Variants in TEX10 observed in about 807,000 individuals in gnomAD.
The protein encoded by TEX10 is testis expressed 10.
A neutral mutation model predicts 104.4 loss-of-function variants in TEX10; 24 were observed. That is an observed-to-expected ratio of 0.23 (90% confidence interval 0.17 to 0.32). The LOEUF (loss-of-function observed/expected upper bound fraction) is 0.32. Ranked by LOEUF, TEX10 falls within the 10% of genes least tolerant of loss-of-function variation. TEX10 has a pLI of 1.00. For synonymous variants in TEX10, 396 were observed against 393.4 expected (o/e 1.01, Z -0.08); for missense variants, 921 against 1,083.9 (o/e 0.85, Z 2.11).
chr9:100,337,571 C>G (rs4742784), intron 5 of TEX10, among the ~76,000 whole-genome samples: 69,044 of 151,976 alleles, frequency 0.45, 17,369 homozygotes, highest in East Asian at 0.89. Context: ...CTCTTTGATT[C>G]TGTCCCCTCA....
intron 5 of TEX10, 66 bp from the exon 6 acceptor site, chr9:100,330,235 T>A (rs1177267000): frequency 8.5e-7 from 1 of 1,171,096 alleles, no homozygotes; most frequent in Non-Finnish European, 1.2e-6. Context: ...TTAGAATACT[T>A]AAAATAATCT....
intron 8 of TEX10, 62 bp from the exon 9 acceptor site, chr9:100,326,541 A>AAAGCAGAT (rs1281068520): frequency 1.3e-6 from 2 of 1,489,354 alleles, no homozygotes; most frequent in African/African-American, 2.8e-5. Context: ...AGAGATTAAT[A>AAAGCAGAT]AAGCAGATCA....
At position 100,340,498 on chromosome 9, in the gene TEX10, A is replaced by C. The variant is rs1835146551; in HGVS notation, c.1138-129T>G. 3 of 517,112 alleles carry C rather than the reference A, an allele frequency of 5.8e-6. No individual in the cohort carries two copies. In the Admixed American group the frequency reaches 1.2e-4, roughly 21 times the overall value. 32.0% of individuals were successfully genotyped at this position (517,112 alleles called of 1,614,324 possible). ...ATTCACTTTCTACCAGTAATATAAT[A>C]TGTAAATAAATTTAAAAATCAGAAT... On this transcript the variant is annotated intron_variant, in intron 4 of 14. Coordinates refer to ENST00000374902, the MANE Select transcript of TEX10 (RefSeq NM_017746.4).
At chr9:100,334,500 A>T (rs1433598866) in intron 5 of TEX10, among the ~76,000 whole-genome samples, 1 of 152,196 alleles carries the variant, frequency 6.6e-6, no homozygotes, top group Non-Finnish European at 1.5e-5. Context: ...GGGAGGACTG[A>T]GATACATGAA....
intron 13 of TEX10, 64 bp from the exon 14 acceptor site, chr9:100,303,906 T>A: frequency 6.7e-7 from 1 of 1,486,778 alleles, no homozygotes; most frequent in Non-Finnish European, 9.3e-7. Flanking sequence ...CCCCCTTCTA[T>A]ATTCCCCCAA....
intron 11 of TEX10, among the ~76,000 whole-genome samples, chr9:100,319,126 A>G (rs1488617168): frequency 6.6e-6 from 1 of 152,058 alleles, no homozygotes; most frequent in Non-Finnish European, 1.5e-5. Flanking sequence ...CGGGAGACGG[A>G]GGTTGCAGTG....
chr9:100,351,506 T>G (rs1835448434), intron 1 of TEX10, among the ~76,000 whole-genome samples: 1 of 152,162 alleles, frequency 6.6e-6, no homozygotes, highest in African/African-American at 2.4e-5. Flanking sequence ...CAAGCACACT[T>G]TGTGAGCTTT....
At chr9:100,345,907 A>G (rs1835289165) in intron 4 of TEX10, among the ~76,000 whole-genome samples, 165 bp downstream of exon 4, 1 of 152,172 alleles carries the variant, frequency 6.6e-6, no homozygotes, top group African/African-American at 2.4e-5. Flanking sequence ...TAACTTCAGA[A>G]AACTAATTTG....
intron 7 of TEX10, among the ~76,000 whole-genome samples, chr9:100,328,441 G>A (rs889811934): frequency 1.3e-5 from 2 of 152,124 alleles, no homozygotes; most frequent in Non-Finnish European, 2.9e-5. Context: ...CTGAACTTAA[G>A]TCTCAGCTCT....
chr9:100,314,129 C>G (rs1834353079), intron 11 of TEX10, among the ~76,000 whole-genome samples: 1 of 150,828 alleles, frequency 6.6e-6, no homozygotes, highest in Admixed American at 6.6e-5. Context: ...GCTCTGTCAC[C>G]CACGCTGGAG....
At chr9:100,310,524 C>A (rs1378628323) in intron 11 of TEX10, 145 bp from the exon 12 acceptor site, 3 of 690,700 alleles carry the variant, frequency 4.3e-6, no homozygotes, top group South Asian at 3.8e-5. Flanking sequence ...CCGCAACCCC[C>A]GTGACCTGGC....
At chr9:100,331,537 G>C (rs556830752) in intron 5 of TEX10, among the ~76,000 whole-genome samples, 1 of 152,320 alleles carries the variant, frequency 6.6e-6, no homozygotes, top group Non-Finnish European at 1.5e-5. Context: ...TCTTGAGCAA[G>C]GGCACAGTAG....
chr9:100,308,412 C>G, intron 13 of TEX10, 88 bp downstream of exon 13: 6 of 1,187,564 alleles, frequency 5.1e-6, no homozygotes, highest in Non-Finnish European at 6.9e-6. Context: ...TCTGTATAAC[C>G]TAATTATCTT....
In TEX10 at chr9:100,340,249, CAT is replaced by C; in HGVS notation, c.1250+6_1250+7del. 5 of 1,507,846 alleles carry C rather than the reference CAT, an allele frequency of 3.3e-6. No homozygotes were observed. Among genetic ancestry groups the C allele is most frequent in the Non-Finnish European group, 4.5e-6 (5 of 1,119,916 alleles). The allele number at this position is 1,507,846 out of a possible 1,614,324, so 93.4% of individuals were successfully genotyped here. On this transcript the variant is annotated splice_donor_region_variant and intron_variant, in intron 5 of 14. Coordinates refer to ENST00000374902, the MANE Select transcript of TEX10 (RefSeq NM_017746.4). ...TCAAGGTTATACAGTGAAAAAGAAT[CAT>C]AATACCTTTTATTTGGCTCTTTCCT...
Position 100,303,715 on chromosome 9 carries a change from G to A in TEX10, c.2593C>T (p.Arg865Ter). The change falls in exon 14 of 15, where the codon CGA (arginine) becomes TGA (stop). Residue 865 changes from arginine to a stop codon, truncating the protein, a stop_gained. Transcript: ENST00000374902. LOFTEE classifies it high-confidence loss of function. ...AGGGGTGCATGCTGAAGCAGCAGTCGAAGCAGCTGGCCCACAACAGGCAGC... is the reference window on the plus strand; with the variant it reads ...AGGGGTGCATGCTGAAGCAGCAGTCAAAGCAGCTGGCCCACAACAGGCAGC... ...EELPVVGQLL[R>*]LLLQHAPLRT... is the part of the protein sequence containing the mutation. The A allele has an allele frequency of 1.9e-6, 3 of 1,614,068 alleles. No individual in the cohort carries two copies. Among genetic ancestry groups the A allele is most frequent in the Non-Finnish European group, 2.5e-6 (3 of 1,180,022 alleles).
At position 100,320,408 on chromosome 9, in the gene TEX10, GT is replaced by G. The variant is rs752971186; in HGVS notation, c.2069-11del. The stretch of plus-strand genomic sequence containing the variant: ...TCCTCTTTCGAAAACCCTAATTCAG[GT>G]AACAAAGAAAGCCAATTTAAAAAAA... On this transcript the variant is annotated splice_polypyrimidine_tract_variant and intron_variant, in intron 10 of 14. Coordinates refer to ENST00000374902, the MANE Select transcript of TEX10 (RefSeq NM_017746.4). 1 of 1,577,510 alleles carries G rather than the reference GT, an allele frequency of 6.3e-7. No individual in the cohort carries two copies. The highest frequency in any genetic ancestry group is 8.6e-7 in the Non-Finnish European group (1 of 1,166,746).
At chr9:100,325,667 A>C (rs1272893092) in intron 9 of TEX10, among the ~76,000 whole-genome samples, 1 of 152,110 alleles carries the variant, frequency 6.6e-6, no homozygotes, top group African/African-American at 2.4e-5. Flanking sequence ...AGTAGCTGGG[A>C]CTATAGGCAT....
At position 100,326,444 on chromosome 9, in the gene TEX10, C is replaced by A; in HGVS notation, c.1837G>T (p.Asp613Tyr). 1.2e-6 allele frequency: 2 copies of A among 1,613,698 alleles called. No individual in the cohort carries two copies. The highest frequency in any genetic ancestry group is 1.7e-6 in the Non-Finnish European group (2 of 1,179,902). The change falls in exon 9 of 15, where the codon GAC (aspartate) becomes TAC (tyrosine). Residue 613 changes from aspartate to tyrosine, a missense_variant. Asp to Tyr is a radical substitution (Grantham distance 160). Transcript: ENST00000374902. ...QEGAVVVLPA[D>Y]SQQRLVQLVY... ...AGCTGAACCAAACGCTGCTGAGAGTCTGCAGGGAGAACCACCACAGCACCT... is the reference window on the plus strand; with the variant it reads ...AGCTGAACCAAACGCTGCTGAGAGTATGCAGGGAGAACCACCACAGCACCT...
chr9:100,336,764 G>A (rs1038620883), intron 5 of TEX10, among the ~76,000 whole-genome samples: 4 of 152,124 alleles, frequency 2.6e-5, no homozygotes, highest in Admixed American at 6.6e-5. Flanking sequence ...AAAATGGTTG[G>A]GGACCGTTGG....
Sources: allele counts gnomAD v4.1 joint callset (sites outside exome capture counted in the v4.1 genomes callset), GRCh38; gene constraint gnomAD v4.1.1; transcripts MANE v1.5; gene names NCBI Gene and HGNC (gene_info 2026-07-23, HGNC 2026-07-21).